Variants in BSN observed in about 807,000 individuals in gnomAD.
BSN encodes bassoon presynaptic cytomatrix protein, also known as protein bassoon.
Under a neutral mutation model 264.8 loss-of-function variants are expected in BSN, and 57 were observed. That is an observed-to-expected ratio of 0.22 (90% CI 0.17 to 0.27). BSN has a LOEUF of 0.27. Ranked by LOEUF, BSN falls within the 10% of genes least tolerant of loss-of-function variation. BSN has a pLI of 1.00. For synonymous variants in BSN, 2,059 were observed against 2,137.3 expected, an observed-to-expected ratio of 0.96 and a Z score of 1.01; for missense variants, 4,615 against 5,232.5, an observed-to-expected ratio of 0.88 and a Z score of 3.64.
intron 1 of BSN, among the ~76,000 whole-genome samples, chr3:49,595,427 G>A (rs1016563600): frequency 2.0e-5 from 3 of 151,580 alleles, no homozygotes; most frequent in Non-Finnish European, 4.4e-5. Context: ...GACCTCAGGT[G>A]ATCCACCCGC....
rs2051931125 is a variant in BSN, at chr3:49,585,626, C to T, written c.224+30800C>T. 6.6e-6 allele frequency among the ~76,000 whole-genome samples: 1 copy of T among 152,228 alleles called. No homozygotes were observed. On this transcript the variant is annotated intron_variant, in intron 1 of 11. Coordinates refer to ENST00000296452, the MANE Select transcript of BSN (RefSeq NM_003458.4). This position sits in a 1 kb window ranked among gnomAD's most constrained non-coding sequence, Gnocchi z 4.7. ...CACACCCCTCACGTTTCTTCAGCCG[C>T]CCCTGGGCGCTGCGTCTAACCCCAA...
rs151058705 is a variant in BSN, at chr3:49,655,955, C to G, written c.6399C>G (p.Pro2133=). The G allele has an allele frequency of 1.2e-6, 2 of 1,610,438 alleles. No individual in the cohort carries two copies. The highest frequency in any genetic ancestry group is 1.1e-5 in the South Asian group (1 of 91,070). Residue 2133 remains proline (P), a synonymous_variant, in exon 5 of 12, where the codon CCC becomes CCG. Coordinates refer to ENST00000296452, the MANE Select transcript of BSN (RefSeq NM_003458.4). ...TGCAGTACCAGCCCCAGCACGGGCC[C>G]GGGCTCAGTGCTCCACAGAGTCTGG... is the stretch of plus-strand genomic sequence containing the variant. ...DLVQYQPQHG[P]GLSAPQSLVP...
chr3:49,656,110 C>T lies in BSN; in HGVS notation c.6554C>T (p.Ala2185Val). 6.2e-7 allele frequency: 1 copy of T among 1,612,702 alleles called. No individual in the cohort carries two copies. Among genetic ancestry groups the T allele is most frequent in the African/African-American group, 1.3e-5 (1 of 75,078 alleles). ...GTCAGACAGCTGCTGCCGTCCACAG[C>T]CACTGTACGTGCAGCTGATGGCATG... ...TAVRQLLPSTATVRAADGMIY... is the reference protein window; with the variant it reads ...TAVRQLLPSTVTVRAADGMIY... The change falls in exon 5 of 12, where the codon GCC (alanine) becomes GTC (valine). Residue 2185 changes from alanine (A) to valine (V), a missense_variant. Physicochemically the swap from Ala to Val is moderately conservative, Grantham distance 64. Around this residue, in one of 3 missense-constraint regions of BSN, gnomAD observed 3,415 missense variants for 3,866.4 expected, o/e 0.88. Coordinates refer to ENST00000296452, the MANE Select transcript of BSN (RefSeq NM_003458.4).
At chr3:49,621,047 A>G (rs925718557) in intron 1 of BSN, among the ~76,000 whole-genome samples, 3 of 152,064 alleles carry the variant, frequency 2.0e-5, no homozygotes, top group Admixed American at 6.5e-5. Flanking sequence ...AACAAGATAT[A>G]CTGCTGGATT....
chr3:49,593,211 CTTG>C (rs1329354100), intron 1 of BSN, among the ~76,000 whole-genome samples: 1 of 152,220 alleles, frequency 6.6e-6, no homozygotes, highest in African/African-American at 2.4e-5. Context: ...GATTCATCCA[CTTG>C]TTGTATCTGT....
At chr3:49,589,216 G>A (rs2051959446) in intron 1 of BSN, among the ~76,000 whole-genome samples, 1 of 151,020 alleles carries the variant, frequency 6.6e-6, no homozygotes, top group Admixed American at 6.6e-5. Context: ...CCGGCCGGGT[G>A]GAGTGTTTTT....
At chr3:49,608,284 CA>C (rs2052175073) in intron 1 of BSN, among the ~76,000 whole-genome samples, 1 of 152,100 alleles carries the variant, frequency 6.6e-6, no homozygotes, top group Non-Finnish European at 1.5e-5. Context: ...GCATAGTTGG[CA>C]AGAAAGGAAA....
intron 2 of BSN, among the ~76,000 whole-genome samples, chr3:49,634,423 A>G (rs1236337152): frequency 6.6e-6 from 1 of 151,498 alleles, no homozygotes; most frequent in Non-Finnish European, 1.5e-5. Context: ...TTTTTTTTTT[A>G]TTTGTTCATT....
intron 1 of BSN, among the ~76,000 whole-genome samples, chr3:49,615,237 A>G (rs1390218131): frequency 6.6e-6 from 1 of 152,174 alleles, no homozygotes; most frequent in Non-Finnish European, 1.5e-5. Context: ...AGTGGAAAGG[A>G]TGAGTGGAGG....
chr3:49,563,429 G>A (rs2051730332), intron 1 of BSN, among the ~76,000 whole-genome samples: 1 of 152,200 alleles, frequency 6.6e-6, no homozygotes, highest in Non-Finnish European at 1.5e-5. Context: ...CAGCCAGTGG[G>A]CCATGATTTC....
At chr3:49,576,070 TAAGAGACAA>T (rs2051843258) in intron 1 of BSN, among the ~76,000 whole-genome samples, 1 of 152,200 alleles carries the variant, frequency 6.6e-6, no homozygotes, top group Non-Finnish European at 1.5e-5. Context: ...ATAACTTTTG[TAAGAGACAA>T]GGTGTTGTCT....
At chr3:49,610,584 C>CAAAAAAAAAA (rs60726552) in intron 1 of BSN, among the ~76,000 whole-genome samples, 1 of 71,188 alleles carries the variant, frequency 1.4e-5, no homozygotes, top group African/African-American at 6.0e-5. Context: ...AATTTCATCT[C>CAAAAAAAAAA]AAAAAAAAAA....
chr3:49,607,829 T>C (rs1403998287), intron 1 of BSN, among the ~76,000 whole-genome samples: 3 of 152,194 alleles, frequency 2.0e-5, no homozygotes, highest in African/African-American at 7.2e-5. Flanking sequence ...TGGTGGTCAG[T>C]ATACCAGAGG....
chr3:49,620,926 A>G (rs1027740622), intron 1 of BSN, among the ~76,000 whole-genome samples: 1 of 152,194 alleles, frequency 6.6e-6, no homozygotes, highest in Non-Finnish European at 1.5e-5. Flanking sequence ...GGGCAACAGA[A>G]GGAGACTCAC....
intron 1 of BSN, among the ~76,000 whole-genome samples, chr3:49,612,146 T>TA (rs2052211276): frequency 6.6e-6 from 1 of 151,742 alleles, no homozygotes; most frequent in African/African-American, 2.4e-5. Flanking sequence ...ATGATTTTTT[T>TA]TTTTTTTGAG....
chr3:49,606,550 A>G lies in BSN; in HGVS notation c.225-18425A>G, dbSNP rs573719920. On this transcript the variant is annotated intron_variant, in intron 1 of 11. Transcript: ENST00000296452. ...AGTGGCCTTGTGTGCCTTGCTCACTACGAGGTAGCCAGCATCTGCAGTGCA... is the reference window on the plus strand; with the variant it reads ...AGTGGCCTTGTGTGCCTTGCTCACTGCGAGGTAGCCAGCATCTGCAGTGCA... Among the ~76,000 whole-genome samples, 299 of 151,694 alleles carry G rather than the reference A, an allele frequency of 2.0e-3. 2 individuals carry two copies. Among genetic ancestry groups the G allele is most frequent in the African/African-American group, 6.9e-3 (284 of 41,352 alleles).
intron 1 of BSN, among the ~76,000 whole-genome samples, chr3:49,605,444 AT>A (rs1379067876): frequency 3.3e-5 from 1 of 30,370 alleles, no homozygotes; most frequent in African/African-American, 1.5e-4. Flanking sequence ...TATATTATAT[AT>A]ATTATATAAT....
At chr3:49,640,263 G>A (rs1314630402) in intron 2 of BSN, among the ~76,000 whole-genome samples, 1 of 152,184 alleles carries the variant, frequency 6.6e-6, no homozygotes, top group East Asian at 1.9e-4. Context: ...TGACCTGCAT[G>A]ACCAAATTGC....
rs1404335528 is a variant in BSN, at chr3:49,662,574, C to T, written c.10717+12C>T. ...TTCCGACAGCGAAGGTAATGGCAGC[C>T]AGGGGTGATTTCTGCGGATACTCAG... On this transcript the variant is annotated intron_variant, in intron 6 of 11. Coordinates refer to ENST00000296452, the MANE Select transcript of BSN (RefSeq NM_003458.4). 6.4e-7 allele frequency: 1 copy of T among 1,572,086 alleles called. No homozygotes were observed. The highest frequency in any genetic ancestry group is 2.2e-5 in the East Asian group (1 of 44,508).
Sources: allele counts gnomAD v4.1 joint callset (sites outside exome capture counted in the v4.1 genomes callset), GRCh38; gene constraint gnomAD v4.1.1; regional missense constraint gnomAD v4.1.1; non-coding constraint Gnocchi (gnomAD v3.1); transcripts MANE v1.5; gene names NCBI Gene and HGNC (gene_info 2026-07-23, HGNC 2026-07-21).